Variants in UNC13C observed in about 807,000 individuals in gnomAD.
The protein encoded by UNC13C is unc-13 homolog C.
A neutral mutation model predicts 245.4 loss-of-function variants in UNC13C; 174 were observed. The observed-to-expected ratio is 0.71, with a 90% CI of 0.63 to 0.80. The LOEUF (loss-of-function observed/expected upper bound fraction) is 0.80. Ranked by LOEUF, UNC13C falls within the 30% of genes least tolerant of loss-of-function variation. UNC13C has a pLI of 0.00. For missense variants in UNC13C, 2,829 were observed against 2,602.9 expected (o/e 1.09, Z -1.89); for synonymous variants, 992 against 895.1 (o/e 1.11, Z -1.93).
chr15:54,176,663 A>G (rs1458506988), intron 4 of UNC13C, among the ~76,000 whole-genome samples: 1 of 152,168 alleles, frequency 6.6e-6, no homozygotes. Context: ...AATAGACTCA[A>G]TACTTTTTAT....
chr15:54,183,045 TA>T (rs529983411), intron 4 of UNC13C, among the ~76,000 whole-genome samples: 218 of 151,824 alleles, frequency 1.4e-3, no homozygotes, highest in Non-Finnish European at 2.6e-3. Context: ...TATAATAAAA[TA>T]GATGATTCAA....
At chr15:54,243,795 A>C (rs1318901333) in intron 7 of UNC13C, among the ~76,000 whole-genome samples, 2 of 152,118 alleles carry the variant, frequency 1.3e-5, no homozygotes, top group East Asian at 3.9e-4. Context: ...TTTATGTTCA[A>C]GTCCTTTGCC....
rs763520820 is a variant in UNC13C at position 54,623,933 on chromosome 15, A to G, written c.6338A>G (p.Lys2113Arg). The change falls in exon 32 of 33, where the codon AAG becomes AGG. Residue 2113 changes from lysine (K) to arginine (R), a missense_variant. Lys to Arg is a conservative substitution (Grantham distance 26). Coordinates refer to ENST00000260323, the MANE Select transcript of UNC13C (RefSeq NM_001080534.3). ...TKTKSNTWSP[K>R]YNETFQFILG... ...ACAAAAAGCAACACATGGTCACCAA[A>G]GTACAATGAAACATTTCAGTTGTAA... 3.1e-6 allele frequency: 5 copies of G among 1,613,098 alleles called. No homozygotes were observed. Among genetic ancestry groups the G allele is most frequent in the Non-Finnish European group, 4.2e-6 (5 of 1,179,358 alleles).
At chr15:54,311,562 T>C (rs1308055682) in intron 13 of UNC13C, among the ~76,000 whole-genome samples, 1 of 151,742 alleles carries the variant, frequency 6.6e-6, no homozygotes, top group East Asian at 1.9e-4. Context: ...GATTTTCACA[T>C]ATTCACCATT....
At chr15:54,254,274 G>T (rs2036224066) in intron 8 of UNC13C, among the ~76,000 whole-genome samples, 2 of 152,182 alleles carry the variant, frequency 1.3e-5, no homozygotes, top group East Asian at 1.9e-4. Flanking sequence ...GGCTCTCAGA[G>T]CTGCAAAGAA....
intron 30 of UNC13C, among the ~76,000 whole-genome samples, chr15:54,575,561 A>C (rs1430212866): frequency 6.6e-6 from 1 of 150,570 alleles, no homozygotes; most frequent in Non-Finnish European, 1.5e-5. Flanking sequence ...AACTGTTCTC[A>C]AATTAAAAAA....
chr15:54,290,637 G>A (rs1419749656), intron 10 of UNC13C, among the ~76,000 whole-genome samples: 1 of 151,970 alleles, frequency 6.6e-6, no homozygotes, highest in Non-Finnish European at 1.5e-5. Context: ...ATGTGTGTAT[G>A]TTTACCCATA....
At chr15:54,366,566 A>T (rs1425343778) in intron 17 of UNC13C, among the ~76,000 whole-genome samples, 1 of 152,154 alleles carries the variant, frequency 6.6e-6, no homozygotes, top group East Asian at 1.9e-4. Context: ...TAGGTTTACA[A>T]GGTTTGTGTG....
chr15:53,918,058 C>A, the UNC13C span, among the ~76,000 whole-genome samples: 3 of 152,184 alleles, frequency 2.0e-5, no homozygotes, highest in Non-Finnish European at 4.4e-5. Context: ...ATAATAAATT[C>A]TCTGCCCAAG....
intron 19 of UNC13C, among the ~76,000 whole-genome samples, chr15:54,468,827 C>T (rs544657402): frequency 2.0e-5 from 3 of 151,782 alleles, no homozygotes; most frequent in African/African-American, 4.8e-5. Flanking sequence ...TATGTCAATA[C>T]TATGCACTTG....
intron 24 of UNC13C, among the ~76,000 whole-genome samples, chr15:54,520,625 T>C (rs1037262402): frequency 2.6e-5 from 4 of 152,036 alleles, no homozygotes; most frequent in African/African-American, 9.7e-5. Flanking sequence ...TTCAGGGATA[T>C]ACAGAGGAGG....
chr15:53,859,691 A>T, the UNC13C span, among the ~76,000 whole-genome samples: 2 of 152,178 alleles, frequency 1.3e-5, no homozygotes, highest in Non-Finnish European at 2.9e-5. Context: ...CCAACCCCGT[A>T]TTCAGAAAAC....
At chr15:54,062,456 C>T (rs1280441249) in intron 2 of UNC13C, among the ~76,000 whole-genome samples, 2 of 152,268 alleles carry the variant, frequency 1.3e-5, no homozygotes, top group East Asian at 3.9e-4. Flanking sequence ...GCCCTAAACT[C>T]TCTCAATTCC....
chr15:54,272,554 T>C lies in UNC13C; in HGVS notation c.3818+7058T>C, dbSNP rs943799854. The stretch of plus-strand genomic sequence containing the variant: ...TCAGCAAGTCATTTGTCACAGAAGA[T>C]GGTTCCACAGTTTCTAAAGCAAGGA... On this transcript the variant is annotated intron_variant, in intron 10 of 32. Transcript: ENST00000260323. 2.6e-4 allele frequency among the ~76,000 whole-genome samples: 40 copies of C among 152,224 alleles called. 1 individual carries two copies. Among genetic ancestry groups the C allele is most frequent in the Non-Finnish European group, 4.0e-4 (27 of 68,046 alleles).
the UNC13C span, among the ~76,000 whole-genome samples, chr15:53,933,842 T>C: frequency 6.6e-6 from 1 of 152,342 alleles, no homozygotes. Flanking sequence ...TAATGCTCTG[T>C]AGAGAACTTC....
At chr15:53,981,381 GAGTTTTAAATACATGCCA>G (rs1893921952) in intron 1 of UNC13C, among the ~76,000 whole-genome samples, 1 of 152,114 alleles carries the variant, frequency 6.6e-6, no homozygotes. Context: ...GAAATTTTAA[GAGTTTTAAATACATGCCA>G]AGTTTGTTTC....
At position 54,265,341 on chromosome 15, in the gene UNC13C, T is replaced by C; in HGVS notation, c.3677-14T>C. 1 of 1,467,490 alleles carries C rather than the reference T, an allele frequency of 6.8e-7. No homozygotes were observed. The highest frequency in any genetic ancestry group is 9.0e-7 in the Non-Finnish European group (1 of 1,105,044). 90.9% of individuals were successfully genotyped at this position (1,467,490 alleles called of 1,614,324 possible). A position where few individuals can be genotyped will look rare whatever the true frequency, so the allele number is the denominator to read the frequency against. ...GACTCTGTATGTTAAAATGTTTATT[T>C]TGGTTTATTTCAGTGGTTTCTGCAC... On this transcript the variant is annotated splice_polypyrimidine_tract_variant and intron_variant, in intron 9 of 32. Transcript: ENST00000260323.
chr15:54,165,443 A>G (rs1044841884), intron 4 of UNC13C, among the ~76,000 whole-genome samples: 2 of 152,080 alleles, frequency 1.3e-5, no homozygotes, highest in African/African-American at 4.8e-5. Context: ...CATTGCTGCA[A>G]TTTACAGATG....
intron 19 of UNC13C, among the ~76,000 whole-genome samples, chr15:54,450,042 A>T (rs1891081257): frequency 6.6e-6 from 1 of 152,200 alleles, no homozygotes; most frequent in African/African-American, 2.4e-5. Flanking sequence ...GGTCCACTGC[A>T]GACCCTGTTT....
Sources: allele counts gnomAD v4.1 joint callset (sites outside exome capture counted in the v4.1 genomes callset), GRCh38; gene constraint gnomAD v4.1.1; transcripts MANE v1.5; gene names NCBI Gene and HGNC (gene_info 2026-07-23, HGNC 2026-07-21).